The following HAPSTR1 variants were observed in gnomAD, a reference collection of about 807,000 sequenced individuals.
The protein encoded by HAPSTR1 is HUWE1 associated protein modifying stress responses.
chr16:9,108,380 T>C, the HAPSTR1 span: 2 of 152,158 alleles, frequency 1.3e-5, no homozygotes, highest in African/African-American at 4.8e-5. Context: ...GAGTTGGAGT[T>C]TCGCCATGTT....
the HAPSTR1 span, chr16:9,091,688 G>A: frequency 2.8e-5 from 11 of 399,234 alleles, no homozygotes; most frequent in African/African-American, 2.3e-4. Context: ...GAGCTGCGCG[G>A]AGGGCTCGGC....
the HAPSTR1 span, among the ~76,000 whole-genome samples, chr16:9,114,468 GCTCA>G: frequency 6.6e-6 from 1 of 152,284 alleles, no homozygotes; most frequent in Admixed American, 6.5e-5. Flanking sequence ...GAACAGGTGG[GCTCA>G]CTCAGGGAGT....
the HAPSTR1 span, chr16:9,092,015 T>A: frequency 1.4e-6 from 2 of 1,475,162 alleles, no homozygotes; most frequent in Non-Finnish European, 9.0e-7. Flanking sequence ...GCGGCGGCGG[T>A]GGCGGCGAGG....
the HAPSTR1 span, chr16:9,118,379 T>C: frequency 1.3e-5 from 2 of 152,670 alleles, no homozygotes; most frequent in East Asian, 3.8e-4. Flanking sequence ...TTGCAATTTC[T>C]TCAGCCATTT....
chr16:9,116,511 T>C, the HAPSTR1 span, among the ~76,000 whole-genome samples: 41 of 152,304 alleles, frequency 2.7e-4, no homozygotes, highest in African/African-American at 9.6e-4. Context: ...CCAGATGATA[T>C]GTTTATCCAG....
At chr16:9,093,099 G>C in the HAPSTR1 span, 2 of 1,211,944 alleles carry the variant, frequency 1.7e-6, no homozygotes, top group South Asian at 2.6e-5. Flanking sequence ...CCCCAGCCCA[G>C]CTGCTAACCT....
chr16:9,095,917 A>G, the HAPSTR1 span, among the ~76,000 whole-genome samples: 1 of 152,138 alleles, frequency 6.6e-6, no homozygotes, highest in East Asian at 1.9e-4. Flanking sequence ...TGCAAAGAGG[A>G]TGGTGTTTCT....
chr16:9,100,417 A>ATT, the HAPSTR1 span, among the ~76,000 whole-genome samples: 5 of 142,392 alleles, frequency 3.5e-5, no homozygotes, highest in African/African-American at 1.3e-4. Flanking sequence ...TTCACAGGAT[A>ATT]TTTTTTTTTT....
At chr16:9,110,008 A>C in the HAPSTR1 span, 1 of 152,148 alleles carries the variant, frequency 6.6e-6, no homozygotes, top group Non-Finnish European at 1.5e-5. Context: ...GGGGCAGGTG[A>C]TTAAAAAAAC....
At chr16:9,097,086 CCT>C in the HAPSTR1 span, among the ~76,000 whole-genome samples, 1 of 151,876 alleles carries the variant, frequency 6.6e-6, no homozygotes, top group Non-Finnish European at 1.5e-5. Context: ...ATTACAGGCG[CCT>C]GCCACCACAC....
chr16:9,098,564 C>T, the HAPSTR1 span, among the ~76,000 whole-genome samples: 7 of 152,126 alleles, frequency 4.6e-5, no homozygotes, highest in African/African-American at 1.7e-4. Context: ...CACCTGTAGT[C>T]CAGCACTTGA....
the HAPSTR1 span, chr16:9,112,404 A>C: frequency 2.0e-5 from 3 of 152,228 alleles, no homozygotes; most frequent in Non-Finnish European, 4.4e-5. Context: ...GGTGGAACAA[A>C]TCTGCAGAGG....
At chr16:9,110,969 C>G in the HAPSTR1 span, 1 of 152,360 alleles carries the variant, frequency 6.6e-6, no homozygotes, top group Non-Finnish European at 1.5e-5. Context: ...ACCCGGGAGG[C>G]AGAGGTTGCA....
the HAPSTR1 span, among the ~76,000 whole-genome samples, chr16:9,099,568 A>T: frequency 1.3e-5 from 2 of 152,280 alleles, no homozygotes; most frequent in South Asian, 4.1e-4. Context: ...GTGCTTGTGG[A>T]GTTTGCCTAA....
chr16:9,119,636 G>A, the HAPSTR1 span: 1 of 152,130 alleles, frequency 6.6e-6, no homozygotes, highest in African/African-American at 2.4e-5. Context: ...CTTCAATGTG[G>A]TTTACCCAAC....
the HAPSTR1 span, chr16:9,103,126 A>G: frequency 6.2e-7 from 1 of 1,614,186 alleles, no homozygotes; most frequent in Non-Finnish European, 8.5e-7. Context: ...TGTGTGGAAA[A>G]GTTCCTCCAC....
chr16:9,113,005 G>GTTTTTTTTTTTGTTTTT, the HAPSTR1 span: 1 of 136,652 alleles, frequency 7.3e-6, no homozygotes, highest in African/African-American at 2.7e-5. Flanking sequence ...GTACAACTTG[G>GTTTTTTTTTTTGTTTTT]TTTTTTTTTT....
At chr16:9,103,295 G>C in the HAPSTR1 span, 1 of 1,593,516 alleles carries the variant, frequency 6.3e-7, no homozygotes, top group South Asian at 1.1e-5. Flanking sequence ...TGGAAAAATG[G>C]TTAAGAGGGT....
At chr16:9,095,450 G>A in the HAPSTR1 span, among the ~76,000 whole-genome samples, 5 of 152,124 alleles carry the variant, frequency 3.3e-5, no homozygotes, top group African/African-American at 9.6e-5. Flanking sequence ...ATTTAAGGGG[G>A]GAAAAATTTG....
Sources: allele counts gnomAD v4.1 joint callset (sites outside exome capture counted in the v4.1 genomes callset), GRCh38; gene constraint gnomAD v4.1.1; transcripts MANE v1.5; gene names NCBI Gene and HGNC (gene_info 2026-07-23, HGNC 2026-07-21).